Variants in LRRC25 observed in about 807,000 individuals in gnomAD.
LRRC25 encodes leucine-rich repeat-containing protein 25.
Under a neutral mutation model 18.8 loss-of-function variants are expected in LRRC25, and 5 were observed. That is an observed-to-expected ratio of 0.27 (90% confidence interval 0.14 to 0.56). LRRC25 has a LOEUF of 0.56. Ranked by LOEUF, LRRC25 falls within the 20% of genes least tolerant of loss-of-function variation. The pLI is 0.93. For synonymous variants in LRRC25, 161 were observed against 176.8 expected (o/e 0.91, Z 0.71); for missense variants, 341 against 389.8 (o/e 0.87, Z 1.05).
At chr19:18,394,800 G>A (rs1340265994) in intron 1 of LRRC25, among the ~76,000 whole-genome samples, 9 of 152,196 alleles carry the variant, frequency 5.9e-5, no homozygotes, top group African/African-American at 9.7e-5. Context: ...TCCAGAAGCC[G>A]GTGGCGGTGG....
chr19:18,393,210 T>C (rs1971923488), intron 1 of LRRC25, among the ~76,000 whole-genome samples: 1 of 152,192 alleles, frequency 6.6e-6, no homozygotes, highest in Admixed American at 6.6e-5. Flanking sequence ...AGTTTCTGCA[T>C]CTATAGAATT....
In LRRC25 at chr19:18,397,388, A is replaced by G. The variant is rs1026000672; in HGVS notation, c.-425T>C. ...GATAGGGTGGAGTGGGGGCTGCTGA[A>G]AGGGTCCTCCCAGGTCTGGTTTGCA... On this transcript the variant is annotated 5_prime_UTR_variant, in exon 1 of 2. Coordinates refer to ENST00000339007, the MANE Select transcript of LRRC25 (RefSeq NM_145256.3). 10 of 210,386 alleles carry G rather than the reference A, an allele frequency of 4.8e-5. No individual in the cohort carries two copies. Among genetic ancestry groups the G allele is most frequent in the African/African-American group, 2.3e-4 (10 of 44,026 alleles). The allele number at this position is 210,386 out of a possible 1,614,324, so 13.0% of individuals were successfully genotyped here. A position where few individuals can be genotyped will look rare whatever the true frequency, so the allele number is the denominator to read the frequency against.
chr19:18,394,887 G>C lies in LRRC25; in HGVS notation c.779+1298C>G, dbSNP rs1426473790. Among the ~76,000 whole-genome samples the C allele has an allele frequency of 5.3e-5, 8 of 152,190 alleles. No individual in the cohort carries two copies. In the South Asian group the frequency reaches 8.3e-4, roughly 16 times the overall value. ...GAGGCCAAGAGTTTGAGACCAGCCTGAGAAATATAGCAAGACCCCCGTCTC... is the reference window on the plus strand; with the variant it reads ...GAGGCCAAGAGTTTGAGACCAGCCTCAGAAATATAGCAAGACCCCCGTCTC... On this transcript the variant is annotated intron_variant, in intron 1 of 1. Transcript: ENST00000339007.
At chr19:18,394,337 G>A (rs562625123) in intron 1 of LRRC25, among the ~76,000 whole-genome samples, 6 of 135,288 alleles carry the variant, frequency 4.4e-5, no homozygotes, top group East Asian at 2.1e-4. Context: ...ACGGAGTCTC[G>A]CTCTGTCGCC....
Position 18,396,513 on chromosome 19 carries a change from C to T in LRRC25, c.451G>A (p.Ala151Thr), listed in dbSNP as rs530598661. 1 of 1,613,612 alleles carries T rather than the reference C, an allele frequency of 6.2e-7. No homozygotes were observed. The highest frequency in any genetic ancestry group is 1.3e-5 in the African/African-American group (1 of 75,042). The change falls in exon 1 of 2, where the codon GCC (alanine) becomes ACC (threonine). Residue 151 changes from alanine to threonine, a missense_variant. Physicochemically the swap from Ala to Thr is moderately conservative, Grantham distance 58 (BLOSUM62 0). Coordinates refer to ENST00000339007, the MANE Select transcript of LRRC25 (RefSeq NM_145256.3). ...GGGGCGCAGCTGACCTCCAGGAAGGCAGAGAGGTTGTGCTGGGAGCTGGTT... is the reference window on the plus strand; with the variant it reads ...GGGGCGCAGCTGACCTCCAGGAAGGTAGAGAGGTTGTGCTGGGAGCTGGTT... ...DTTSSQHNLS[A>T]FLEVSCAPGL...
At chr19:18,393,335 C>A (rs1461713324) in intron 1 of LRRC25, among the ~76,000 whole-genome samples, 2 of 152,170 alleles carry the variant, frequency 1.3e-5, no homozygotes, top group Non-Finnish European at 2.9e-5. Flanking sequence ...GTAAAAAGGG[C>A]CACTGGGCCA....
chr19:18,396,083 C>A lies in LRRC25; in HGVS notation c.779+102G>T, dbSNP rs1490669960. The A allele has an allele frequency of 9.2e-6, 13 of 1,409,994 alleles. No homozygotes were observed. In the East Asian group the frequency reaches 3.0e-4, roughly 32 times the overall value. The allele number at this position is 1,409,994 out of a possible 1,614,324, so 87.3% of individuals were successfully genotyped here. Reference sequence around the variant, plus strand: ...AGAAGTAAAGCTACTCACCTAAGATCCCACAGCCTTCAAGCGGCAGAGCTG... The same window carrying A: ...AGAAGTAAAGCTACTCACCTAAGATACCACAGCCTTCAAGCGGCAGAGCTG... On this transcript the variant is annotated intron_variant, in intron 1 of 1. Coordinates refer to ENST00000339007, the MANE Select transcript of LRRC25 (RefSeq NM_145256.3).
chr19:18,392,651 G>A (rs993093602), intron 1 of LRRC25, among the ~76,000 whole-genome samples: 2 of 152,138 alleles, frequency 1.3e-5, no homozygotes, highest in Non-Finnish European at 2.9e-5. Flanking sequence ...TTCTGTGGGT[G>A]TAACGCTGCG....
chr19:18,393,874 A>G (rs1971931933), intron 1 of LRRC25, among the ~76,000 whole-genome samples: 1 of 152,302 alleles, frequency 6.6e-6, no homozygotes, highest in East Asian at 1.9e-4. Flanking sequence ...TCTGGAGGCC[A>G]GTACATAAAG....
In LRRC25 at chr19:18,396,914, T is replaced by C. The variant is rs1365092953; in HGVS notation, c.50A>G (p.Glu17Gly). Residue 17 changes from glutamate to glycine, a missense_variant, in exon 1 of 2, where the codon GAG becomes GGG. Glu to Gly is a moderately conservative substitution (Grantham distance 98, BLOSUM62 -2). Transcript: ENST00000339007. Reference protein sequence around the residue: ...WTLLLPLLLRESDSLEPSCTV... With the variant: ...WTLLLPLLLRGSDSLEPSCTV... Reference sequence around the variant, plus strand: ...GCACGACGGTTCTAGGCTGTCTGACTCCCGCAGCAGCAGCGGCAACAGCAG... The same window carrying C: ...GCACGACGGTTCTAGGCTGTCTGACCCCCGCAGCAGCAGCGGCAACAGCAG... 6.2e-7 allele frequency: 1 copy of C among 1,611,880 alleles called. No individual in the cohort carries two copies. Among genetic ancestry groups the C allele is most frequent in the South Asian group, 1.1e-5 (1 of 91,060 alleles).
Position 18,397,163 on chromosome 19 carries a change from A to T in LRRC25, c.-200T>A. ...CTCCCCTTCTGGGGAATGGGTAGATAACCCCAGTGCTTAGCGGGCTTGGAA... is the reference window on the plus strand; with the variant it reads ...CTCCCCTTCTGGGGAATGGGTAGATTACCCCAGTGCTTAGCGGGCTTGGAA... On this transcript the variant is annotated 5_prime_UTR_variant, in exon 1 of 2. Transcript: ENST00000339007. The T allele has an allele frequency of 1.6e-6, 1 of 613,978 alleles. No homozygotes were observed. The highest frequency in any genetic ancestry group is 2.8e-6 in the Non-Finnish European group (1 of 351,102). 38.0% of individuals were successfully genotyped at this position (613,978 alleles called of 1,614,324 possible).
chr19:18,394,042 A>C (rs1971934699), intron 1 of LRRC25, among the ~76,000 whole-genome samples: 1 of 152,026 alleles, frequency 6.6e-6, no homozygotes, highest in Non-Finnish European at 1.5e-5. Context: ...TTTCTCACCA[A>C]CAGCCTTCCG....
At chr19:18,394,032 T>C (rs1385366301) in intron 1 of LRRC25, among the ~76,000 whole-genome samples, 1 of 152,168 alleles carries the variant, frequency 6.6e-6, no homozygotes, top group Non-Finnish European at 1.5e-5. Flanking sequence ...TATTTTCTCC[T>C]TTCTCACCAA....
At chr19:18,393,829 G>A (rs1304831734) in intron 1 of LRRC25, among the ~76,000 whole-genome samples, 2 of 152,060 alleles carry the variant, frequency 1.3e-5, no homozygotes, top group East Asian at 1.9e-4. Context: ...AAGATGCAGG[G>A]TGGAAATGAC....
Position 18,391,687 on chromosome 19 carries a change from C to T in LRRC25, c.*300G>A, listed in dbSNP as rs1971900877. The stretch of plus-strand genomic sequence containing the variant: ...ACCCTGAGCCAGCAGCCTCATCAGC[C>T]TCGAAGCATTTATTGAGCACTGCCT... On this transcript the variant is annotated 3_prime_UTR_variant, in exon 2 of 2. Transcript: ENST00000339007. The T allele has an allele frequency of 3.7e-6, 1 of 268,084 alleles. No homozygotes were observed. Among genetic ancestry groups the T allele is most frequent in the Non-Finnish European group, 7.5e-6 (1 of 133,372 alleles). 16.6% of individuals were successfully genotyped at this position (268,084 alleles called of 1,614,324 possible).
chr19:18,393,486 C>T lies in LRRC25; in HGVS notation c.780-1361G>A, dbSNP rs761758603. On this transcript the variant is annotated intron_variant, in intron 1 of 1. Coordinates refer to ENST00000339007, the MANE Select transcript of LRRC25 (RefSeq NM_145256.3). ...AAAATTAGCCGGGTGTGATGGTGGGCGCCTGTAATCCCAGCTACTCGGGAG... is the reference window on the plus strand; with the variant it reads ...AAAATTAGCCGGGTGTGATGGTGGGTGCCTGTAATCCCAGCTACTCGGGAG... Among the ~76,000 whole-genome samples, 9 of 151,984 alleles carry T rather than the reference C, an allele frequency of 5.9e-5. No individual in the cohort carries two copies. In the South Asian group the frequency reaches 1.5e-3, roughly 25 times the overall value.
At chr19:18,395,686 G>A (rs1400199633) in intron 1 of LRRC25, among the ~76,000 whole-genome samples, 1 of 152,150 alleles carries the variant, frequency 6.6e-6, no homozygotes, top group African/African-American at 2.4e-5. Context: ...AACACACTAT[G>A]ATGGGGGCTG....
intron 1 of LRRC25, among the ~76,000 whole-genome samples, chr19:18,395,076 C>CA (rs1055998712): frequency 1.9e-4 from 28 of 150,650 alleles, no homozygotes; most frequent in African/African-American, 3.4e-4. Flanking sequence ...GACACTGTCT[C>CA]AAAAAAAAAT....
chr19:18,392,858 C>T (rs1225142238), intron 1 of LRRC25, among the ~76,000 whole-genome samples: 1 of 151,966 alleles, frequency 6.6e-6, no homozygotes, highest in African/African-American at 2.4e-5. Context: ...GGCGTGGTGA[C>T]GTGTGCCTGG....
Sources: gnomAD v4.1 joint callset for allele counts (sites outside exome capture counted in the v4.1 genomes callset) on GRCh38, gnomAD v4.1.1 for gene constraint, MANE v1.5 for transcripts, NCBI Gene and HGNC (gene_info 2026-07-23, HGNC 2026-07-21) for gene names.